The following ATP1B3 variants were observed in gnomAD, a reference collection of about 807,000 sequenced individuals.
ATP1B3 encodes sodium/potassium-transporting ATPase subunit beta-3.
In ATP1B3, 10 loss-of-function variants were observed where a neutral mutation model predicts 30.2. The ratio of observed to expected loss-of-function variants is 0.33; its 90% CI spans 0.20 to 0.56. The LOEUF (loss-of-function observed/expected upper bound fraction) is 0.56. ATP1B3 is among the 20% of genes least tolerant of loss of function. The pLI is 0.90. For missense variants in ATP1B3, 238 were observed against 336.7 expected, an observed-to-expected ratio of 0.71 and a Z score of 2.29; for synonymous variants, 113 against 117.0, an observed-to-expected ratio of 0.97 and a Z score of 0.22.
intron 1 of ATP1B3, among the ~76,000 whole-genome samples, chr3:141,880,533 C>A (rs1325412879): frequency 6.6e-6 from 1 of 151,076 alleles, no homozygotes; most frequent in Non-Finnish European, 1.5e-5. Context: ...CAATTAGAGT[C>A]AAATTAATGA....
At chr3:141,910,642 T>G (rs1427371715) in intron 3 of ATP1B3, among the ~76,000 whole-genome samples, 1 of 152,138 alleles carries the variant, frequency 6.6e-6, no homozygotes, top group Admixed American at 6.5e-5. Context: ...TCTGGAAAAC[T>G]CCTTCCTGGA....
Position 141,913,649 on chromosome 3 carries a change from T to C in ATP1B3, c.347-3T>C, listed in dbSNP as rs1216153403. ...CTAGCACACATATATGTTTCCTTTT[T>C]AGCATATACTTTAGAAGAACAGAAG... On this transcript the variant is annotated splice_region_variant and splice_polypyrimidine_tract_variant and intron_variant, in intron 3 of 6. Coordinates refer to ENST00000286371, the MANE Select transcript of ATP1B3 (RefSeq NM_001679.4). 3 of 1,607,024 alleles carry C rather than the reference T, an allele frequency of 1.9e-6. No homozygotes were observed. The highest frequency in any genetic ancestry group is 2.7e-5 in the African/African-American group (2 of 74,538).
rs140957104 is a variant in ATP1B3 at position 141,887,065 on chromosome 3, A to T, written c.109+10155A>T. Among the ~76,000 whole-genome samples the T allele has an allele frequency of 2.0e-3, 300 of 152,358 alleles. 2 individuals are homozygous for T. Among genetic ancestry groups the T allele is most frequent in the African/African-American group, 6.9e-3 (285 of 41,584 alleles). Reference sequence around the variant, plus strand: ...AATGTAACTTTGAAATTACAAACAAAGCCTACCTATATAAATGCTTTAGAA... The same window carrying T: ...AATGTAACTTTGAAATTACAAACAATGCCTACCTATATAAATGCTTTAGAA... On this transcript the variant is annotated intron_variant, in intron 1 of 6. Transcript: ENST00000286371.
At chr3:141,887,865 G>GA (rs780660114) in intron 1 of ATP1B3, among the ~76,000 whole-genome samples, 35 of 151,396 alleles carry the variant, frequency 2.3e-4, no homozygotes, top group East Asian at 1.5e-3. Context: ...ACCTATGCTG[G>GA]AAAAAAAAAC....
At chr3:141,902,126 T>C in intron 1 of ATP1B3, 1 of 1,289,572 alleles carries the variant, frequency 7.8e-7, no homozygotes. Context: ...CTTTTCTTTT[T>C]CTGCAACAGG....
intron 1 of ATP1B3, among the ~76,000 whole-genome samples, chr3:141,902,666 G>A (rs1163715379): frequency 1.3e-5 from 2 of 152,202 alleles, no homozygotes; most frequent in African/African-American, 4.8e-5. Context: ...TGAAAGGAAA[G>A]AGATTAAGCC....
chr3:141,877,341 T>G (rs966546969), intron 1 of ATP1B3, among the ~76,000 whole-genome samples: 4 of 151,994 alleles, frequency 2.6e-5, no homozygotes, highest in African/African-American at 7.3e-5. Flanking sequence ...GCTGAGCGGT[T>G]CGGAGAAGCC....
At chr3:141,877,227 A>ACCCCTGCCTGAAGCCGGGCC (rs1933619868) in intron 1 of ATP1B3, among the ~76,000 whole-genome samples, 1 of 150,506 alleles carries the variant, frequency 6.6e-6, no homozygotes, top group African/African-American at 2.4e-5. Flanking sequence ...GAAGCCGGGG[A>ACCCCTGCCTGAAGCCGGGCC]CCCCTGCCCG....
intron 1 of ATP1B3, among the ~76,000 whole-genome samples, chr3:141,887,493 G>C (rs1393090672): frequency 1.3e-5 from 2 of 152,156 alleles, no homozygotes; most frequent in African/African-American, 2.4e-5. Flanking sequence ...ATCCATAAAG[G>C]TCCGGCAGTG....
chr3:141,880,939 T>C (rs906244485), intron 1 of ATP1B3, among the ~76,000 whole-genome samples: 1 of 152,208 alleles, frequency 6.6e-6, no homozygotes, highest in Non-Finnish European at 1.5e-5. Flanking sequence ...ACATGGTGGC[T>C]CATGCCTGTA....
chr3:141,884,775 CAAG>C, intron 1 of ATP1B3, among the ~76,000 whole-genome samples: 1 of 152,162 alleles, frequency 6.6e-6, no homozygotes, highest in Non-Finnish European at 1.5e-5. Flanking sequence ...CCTTGTTCCT[CAAG>C]GAGATATATA....
chr3:141,908,068 C>CTTTTT (rs56374653), intron 3 of ATP1B3, among the ~76,000 whole-genome samples: 1,204 of 108,234 alleles, frequency 0.011, no homozygotes, highest in Middle Eastern at 0.027. Flanking sequence ...GCCAGGCATT[C>CTTTTT]TTTTTTTTTT....
chr3:141,912,266 C>T (rs1934376994), intron 3 of ATP1B3, among the ~76,000 whole-genome samples: 2 of 150,372 alleles, frequency 1.3e-5, no homozygotes, highest in Admixed American at 1.3e-4. Context: ...AAATTTGGTT[C>T]TTATTTATTT....
chr3:141,900,846 A>G (rs756368515), intron 1 of ATP1B3, among the ~76,000 whole-genome samples: 3 of 152,060 alleles, frequency 2.0e-5, no homozygotes, highest in African/African-American at 4.8e-5. Flanking sequence ...GCAGTGGCAC[A>G]GTCTCGGCTC....
intron 1 of ATP1B3, among the ~76,000 whole-genome samples, chr3:141,885,180 A>G (rs1032735081): frequency 6.6e-6 from 1 of 152,306 alleles, no homozygotes; most frequent in African/African-American, 2.4e-5. Flanking sequence ...GTGCTATTCA[A>G]TAACATCGCT....
At chr3:141,878,602 G>A (rs61352893) in intron 1 of ATP1B3, among the ~76,000 whole-genome samples, 4,769 of 152,182 alleles carry the variant, frequency 0.031, 251 homozygotes, top group African/African-American at 0.11. Flanking sequence ...TATGACCTAG[G>A]GTAGAGATTT....
chr3:141,902,910 AT>A (rs1324037977), intron 1 of ATP1B3: 1 of 152,086 alleles, frequency 6.6e-6, no homozygotes, highest in African/African-American at 2.4e-5. Flanking sequence ...TAAAATATAT[AT>A]TTTTTTAATT....
intron 1 of ATP1B3, among the ~76,000 whole-genome samples, chr3:141,898,747 G>A (rs1934112954): frequency 6.6e-6 from 1 of 152,112 alleles, no homozygotes. Flanking sequence ...ATACCCAAGA[G>A]AAATGAAACC....
chr3:141,889,750 A>AT (rs56393829), intron 1 of ATP1B3, among the ~76,000 whole-genome samples: 850 of 79,058 alleles, frequency 0.011, 40 homozygotes, highest in Middle Eastern at 0.042. Flanking sequence ...AAAAAAAAAA[A>AT]ATATATACAC....
Sources: gnomAD v4.1 joint callset for allele counts (sites outside exome capture counted in the v4.1 genomes callset) on GRCh38, gnomAD v4.1.1 for gene constraint, MANE v1.5 for transcripts, NCBI Gene and HGNC (gene_info 2026-07-23, HGNC 2026-07-21) for gene names.